IL1RAPL1: variants seen among roughly 807,000 people sequenced by gnomAD.
IL1RAPL1 encodes the protein interleukin 1 receptor accessory protein like 1, also known as interleukin-1 receptor accessory protein-like 1.
Under a neutral mutation model 48.4 loss-of-function variants are expected in IL1RAPL1, and 3 were observed. The ratio of observed to expected loss-of-function variants is 0.06; its 90% CI spans 0.03 to 0.16. The LOEUF is 0.16. Ranked by LOEUF, IL1RAPL1 falls within the 10% of genes least tolerant of loss-of-function variation. IL1RAPL1 has a pLI of 1.00. For synonymous variants in IL1RAPL1, 185 were observed against 187.7 expected, an observed-to-expected ratio of 0.99 and a Z score of 0.12; for missense variants, 349 against 530.6, an observed-to-expected ratio of 0.66 and a Z score of 3.36.
chrX:29,349,052 C>T (rs935723845), intron 3 of IL1RAPL1, among the ~76,000 whole-genome samples: 1 of 112,289 alleles, frequency 8.9e-6, no homozygotes, highest in African/African-American at 3.2e-5. Context: ...CTTGTATATA[C>T]GGGAGCCTTC....
chrX:28,631,667 T>C (rs1287854638), intron 1 of IL1RAPL1, among the ~76,000 whole-genome samples: 1 of 112,402 alleles, frequency 8.9e-6, no homozygotes, highest in Admixed American at 9.4e-5. Context: ...TAGGTAAACG[T>C]CAAATCCCCC....
chrX:29,743,674 G>A (rs1358319523), intron 6 of IL1RAPL1, among the ~76,000 whole-genome samples: 2 of 110,889 alleles, frequency 1.8e-5, no homozygotes, highest in African/African-American at 3.3e-5. Flanking sequence ...TAGTACAGAC[G>A]GGGTTTCACC....
chrX:29,099,985 G>A (rs999295854), intron 2 of IL1RAPL1, among the ~76,000 whole-genome samples: 2 of 110,627 alleles, frequency 1.8e-5, no homozygotes, highest in Admixed American at 1.9e-4. Flanking sequence ...AGGCCGAGGC[G>A]GGCAGATCAT....
intron 5 of IL1RAPL1, among the ~76,000 whole-genome samples, chrX:29,470,768 G>T (rs1160102031): frequency 7.2e-5 from 8 of 110,424 alleles, no homozygotes; most frequent in Middle Eastern, 9.3e-3. Context: ...AGAATAGATG[G>T]GACTACAAGT....
intron 5 of IL1RAPL1, among the ~76,000 whole-genome samples, chrX:29,514,243 A>G (rs1012949792): frequency 1.5e-4 from 17 of 111,840 alleles, no homozygotes; most frequent in African/African-American, 4.5e-4. Context: ...AATATAAAAT[A>G]TTTGTCCTAA....
chrX:29,752,505 A>G (rs1448794232), intron 6 of IL1RAPL1, among the ~76,000 whole-genome samples: 1 of 109,096 alleles, frequency 9.2e-6, no homozygotes, highest in African/African-American at 3.3e-5. Flanking sequence ...CAAAAAAAAA[A>G]AAAAAAAAAG....
chrX:28,601,200 C>T (rs754798173), intron 1 of IL1RAPL1, among the ~76,000 whole-genome samples: 1 of 111,155 alleles, frequency 9.0e-6, no homozygotes, highest in African/African-American at 3.3e-5. Context: ...GTGGGCGGAT[C>T]ATGAGGTAAA....
At chrX:29,411,111 G>A (rs1934138176) in intron 5 of IL1RAPL1, among the ~76,000 whole-genome samples, 1 of 111,685 alleles carries the variant, frequency 9.0e-6, no homozygotes, top group Admixed American at 9.6e-5. Context: ...TGTAATACTG[G>A]TGCTTTGGGA....
At chrX:29,925,645 C>A (rs1329452179) in intron 8 of IL1RAPL1, among the ~76,000 whole-genome samples, 1 of 107,671 alleles carries the variant, frequency 9.3e-6, no homozygotes, top group Non-Finnish European at 1.9e-5. Context: ...TCAAGCAATC[C>A]TCTGGCCTCA....
chrX:29,038,734 C>T (rs1298376843), intron 2 of IL1RAPL1, among the ~76,000 whole-genome samples: 1 of 111,920 alleles, frequency 8.9e-6, no homozygotes. Flanking sequence ...TAAAAAATTG[C>T]ACACTTGAAG....
At chrX:29,570,586 A>G (rs2147797968) in intron 5 of IL1RAPL1, among the ~76,000 whole-genome samples, 1 of 112,415 alleles carries the variant, frequency 8.9e-6, no homozygotes, top group African/African-American at 3.2e-5. Flanking sequence ...AGAAGAGGAC[A>G]TTAATGAGTA....
At chrX:29,334,011 G>A (rs1256277247) in intron 3 of IL1RAPL1, among the ~76,000 whole-genome samples, 2 of 94,541 alleles carry the variant, frequency 2.1e-5, no homozygotes, top group Non-Finnish European at 4.4e-5. Flanking sequence ...GGGGCGGCTG[G>A]CCGGGCGGGG....
At chrX:29,728,479 T>C (rs754392682) in intron 6 of IL1RAPL1, among the ~76,000 whole-genome samples, 2 of 112,081 alleles carry the variant, frequency 1.8e-5, no homozygotes, top group South Asian at 7.4e-4. Context: ...TGCTATAGAA[T>C]CTGTGTAGTG....
chrX:29,159,815 G>A (rs776967376), intron 2 of IL1RAPL1, among the ~76,000 whole-genome samples: 3 of 111,783 alleles, frequency 2.7e-5, no homozygotes, highest in Non-Finnish European at 5.6e-5. Context: ...AGGTTCAAGT[G>A]ATTCTCCTGC....
rs1396612912 is a variant in IL1RAPL1, at chrX:28,988,723, A to G, written c.82+199298A>G. Among the ~76,000 whole-genome samples the G allele has an allele frequency of 2.7e-5, 3 of 112,009 alleles. No individual in the cohort carries two copies. In the South Asian group the frequency reaches 1.1e-3, roughly 42 times the overall value. On this transcript the variant is annotated intron_variant, in intron 2 of 10. Coordinates refer to ENST00000378993, the MANE Select transcript of IL1RAPL1 (RefSeq NM_014271.4). The stretch of plus-strand genomic sequence containing the variant: ...AAAACCTGATCTCTGTATTTTACAT[A>G]ATCATCGTGGAACATCACTGTGGGT...
chrX:28,726,861 G>A (rs1358615630), intron 1 of IL1RAPL1, among the ~76,000 whole-genome samples: 1 of 111,557 alleles, frequency 9.0e-6, no homozygotes, highest in Non-Finnish European at 1.9e-5. Flanking sequence ...ACACTATATT[G>A]CACAGCTTCT....
At chrX:29,517,774 C>A (rs936935082) in intron 5 of IL1RAPL1, among the ~76,000 whole-genome samples, 2 of 111,341 alleles carry the variant, frequency 1.8e-5, no homozygotes, top group Non-Finnish European at 1.9e-5. Context: ...TGTGTTTGTC[C>A]CTTTCAAAAA....
At chrX:29,552,802 C>CTTTTTTTTTTTTTTTTTTTTTTTT (rs765234944) in intron 5 of IL1RAPL1, among the ~76,000 whole-genome samples, 1 of 22,988 alleles carries the variant, frequency 4.4e-5, no homozygotes, top group African/African-American at 1.8e-4. Flanking sequence ...TTTCACTCTC[C>CTTTTTTTTTTTTTTTTTTTTTTTT]TTTTTTTTTT....
intron 2 of IL1RAPL1, among the ~76,000 whole-genome samples, chrX:28,814,875 A>G (rs1457105808): frequency 9.1e-6 from 1 of 109,866 alleles, no homozygotes; most frequent in Non-Finnish European, 1.9e-5. Flanking sequence ...TTGCCCTAGT[A>G]TTTGAAATAT....
Sources: gnomAD v4.1 joint callset for allele counts (sites outside exome capture counted in the v4.1 genomes callset) on GRCh38, gnomAD v4.1.1 for gene constraint, MANE v1.5 for transcripts, NCBI Gene and HGNC (gene_info 2026-07-23, HGNC 2026-07-21) for gene names.